The following FBXL7 variants were observed in gnomAD, a reference collection of about 807,000 sequenced individuals.
FBXL7 encodes F-box and leucine rich repeat protein 7, also known as F-box/LRR-repeat protein 7.
A neutral mutation model predicts 38.3 loss-of-function variants in FBXL7; 12 were observed. The observed-to-expected ratio is 0.31, with a 90% CI of 0.20 to 0.51. The LOEUF (loss-of-function observed/expected upper bound fraction) is 0.51, where lower values mean the gene tolerates loss of function less well. Ranked by LOEUF, FBXL7 falls within the 20% of genes least tolerant of loss-of-function variation. The pLI, the probability that FBXL7 is intolerant of heterozygous loss-of-function variation, is 0.98. For missense variants in FBXL7, 567 were observed against 676.4 expected (o/e 0.84, Z 1.79); for synonymous variants, 297 against 300.9 (o/e 0.99, Z 0.13).
At chr5:15,734,671 C>T (rs1735700903) in intron 2 of FBXL7, among the ~76,000 whole-genome samples, 1 of 152,140 alleles carries the variant, frequency 6.6e-6, no homozygotes, top group Non-Finnish European at 1.5e-5. Flanking sequence ...TCCTCTTTCT[C>T]TTTTCTGTGA....
At chr5:15,721,240 G>T (rs997748966) in intron 2 of FBXL7, among the ~76,000 whole-genome samples, 1 of 152,040 alleles carries the variant, frequency 6.6e-6, no homozygotes, top group African/African-American at 2.4e-5. Flanking sequence ...GATTTTCGAA[G>T]ATTTTTTTTT....
At chr5:15,689,980 G>A (rs1561086691) in intron 2 of FBXL7, among the ~76,000 whole-genome samples, 1 of 152,180 alleles carries the variant, frequency 6.6e-6, no homozygotes, top group Non-Finnish European at 1.5e-5. Flanking sequence ...CACACCCCAA[G>A]TATAACAACC....
intron 2 of FBXL7, among the ~76,000 whole-genome samples, chr5:15,795,377 T>C (rs1737389176): frequency 6.6e-6 from 1 of 152,220 alleles, no homozygotes; most frequent in African/African-American, 2.4e-5. Context: ...ACAATATAGC[T>C]AAAAGTGGAT....
intron 2 of FBXL7, among the ~76,000 whole-genome samples, chr5:15,647,790 ACAACT>A (rs1222377825): frequency 6.6e-6 from 1 of 152,220 alleles, no homozygotes; most frequent in Non-Finnish European, 1.5e-5. Flanking sequence ...TGTCTTTACT[ACAACT>A]CAAGTAGGCA....
chr5:15,782,041 C>A (rs1016564691), intron 2 of FBXL7, among the ~76,000 whole-genome samples: 1 of 152,068 alleles, frequency 6.6e-6, no homozygotes, highest in Non-Finnish European at 1.5e-5. Context: ...CCCGTATGTT[C>A]TCTTTGTTAA....
intron 2 of FBXL7, among the ~76,000 whole-genome samples, chr5:15,906,346 A>G (rs531593550): frequency 4.5e-4 from 68 of 152,116 alleles, no homozygotes; most frequent in African/African-American, 1.5e-3. Context: ...CATGACTCAG[A>G]AATTATAGGC....
At chr5:15,611,706 G>C (rs1199655978) in intron 1 of FBXL7, among the ~76,000 whole-genome samples, 1 of 152,078 alleles carries the variant, frequency 6.6e-6, no homozygotes, top group Admixed American at 6.6e-5. Context: ...GTATTGGCCA[G>C]GCATGATGGC....
intron 1 of FBXL7, among the ~76,000 whole-genome samples, chr5:15,596,311 C>CT (rs959726424): frequency 6.6e-6 from 1 of 152,090 alleles, no homozygotes; most frequent in African/African-American, 2.4e-5. Context: ...TGTATAGAGT[C>CT]TTTTTTGTTT....
chr5:15,888,058 CAAATT>C (rs1740749689), intron 2 of FBXL7, among the ~76,000 whole-genome samples: 1 of 152,022 alleles, frequency 6.6e-6, no homozygotes, highest in Non-Finnish European at 1.5e-5. Context: ...TCTGAGACAG[CAAATT>C]AAATTAAAGG....
intron 1 of FBXL7, among the ~76,000 whole-genome samples, chr5:15,526,017 T>C (rs367831202): frequency 6.7e-6 from 1 of 148,468 alleles, no homozygotes; most frequent in Non-Finnish European, 1.5e-5. Context: ...AATACTGTTC[T>C]GTGTCCTTGT....
At chr5:15,677,210 C>T (rs1468119470) in intron 2 of FBXL7, among the ~76,000 whole-genome samples, 4 of 152,162 alleles carry the variant, frequency 2.6e-5, no homozygotes, top group African/African-American at 7.2e-5. Flanking sequence ...TGGCTCACGC[C>T]GGAAATCCCA....
intron 2 of FBXL7, among the ~76,000 whole-genome samples, chr5:15,706,750 A>G (rs922552222): frequency 6.6e-6 from 1 of 152,282 alleles, no homozygotes; most frequent in South Asian, 2.1e-4. Flanking sequence ...GATTTTCCCT[A>G]AGTGTCTGAT....
At chr5:15,903,045 C>T (rs929565955) in intron 2 of FBXL7, among the ~76,000 whole-genome samples, 11 of 152,198 alleles carry the variant, frequency 7.2e-5, no homozygotes, top group Admixed American at 6.5e-4. Context: ...CCACTGGGAG[C>T]CACTTGCAGA....
At chr5:15,695,247 A>G (rs1278302003) in intron 2 of FBXL7, among the ~76,000 whole-genome samples, 1 of 152,074 alleles carries the variant, frequency 6.6e-6, no homozygotes, top group Non-Finnish European at 1.5e-5. Flanking sequence ...AAGCATGAAT[A>G]GGAATCCTCC....
At chr5:15,677,064 C>T (rs1742680279) in intron 2 of FBXL7, among the ~76,000 whole-genome samples, 1 of 152,312 alleles carries the variant, frequency 6.6e-6, no homozygotes, top group Admixed American at 6.5e-5. Context: ...TTGGCTGAAT[C>T]ATCATCGTTC....
At chr5:15,807,836 T>A (rs182633836) in intron 2 of FBXL7, among the ~76,000 whole-genome samples, 20 of 152,302 alleles carry the variant, frequency 1.3e-4, no homozygotes, top group African/African-American at 4.3e-4. Context: ...TCAGTGTTGA[T>A]ATTTTTGCCA....
chr5:15,889,265 C>T (rs1417211290), intron 2 of FBXL7, among the ~76,000 whole-genome samples: 3 of 152,176 alleles, frequency 2.0e-5, no homozygotes, highest in African/African-American at 7.2e-5. Context: ...GATCATTCTC[C>T]TCAGAAGTGA....
At chr5:15,590,197 G>T (rs929815779) in intron 1 of FBXL7, among the ~76,000 whole-genome samples, 1 of 152,084 alleles carries the variant, frequency 6.6e-6, no homozygotes, top group Non-Finnish European at 1.5e-5. Context: ...ATCATCCTAG[G>T]TGCCACCTGG....
At chr5:15,858,074 A>G (rs1172951756) in intron 2 of FBXL7, among the ~76,000 whole-genome samples, 1 of 152,104 alleles carries the variant, frequency 6.6e-6, no homozygotes, top group Non-Finnish European at 1.5e-5. Flanking sequence ...ATGGCTTGGT[A>G]TTCCAGTCTT....
Sources: allele counts gnomAD v4.1 joint callset (sites outside exome capture counted in the v4.1 genomes callset), GRCh38; gene constraint gnomAD v4.1.1; transcripts MANE v1.5; gene names NCBI Gene and HGNC (gene_info 2026-07-23, HGNC 2026-07-21).